Variants in RPL5 observed in about 807,000 individuals in gnomAD.
RPL5 encodes the protein ribosomal protein L5.
Under a neutral mutation model 38.4 loss-of-function variants are expected in RPL5, and 1 was observed. The observed-to-expected ratio is 0.03, with a 90% CI of 0.01 to 0.12. The LOEUF is 0.12. RPL5 is among the 10% of genes least tolerant of loss of function. The pLI, the probability that RPL5 is intolerant of heterozygous loss-of-function variation, is 1.00. For missense variants in RPL5, 243 were observed against 374.1 expected (o/e 0.65, Z 2.89); for synonymous variants, 109 against 121.2 (o/e 0.90, Z 0.66).
chr1:92,840,499 T>C, intron 6 of RPL5, 52 bp from the exon 7 acceptor site: 1 of 1,303,966 alleles, frequency 7.7e-7, no homozygotes, highest in South Asian at 1.2e-5. Context: ...TGCATTAATA[T>C]AGTAGGGCAC....
upstream of RPL5, chr1:92,832,039 C>G (rs533207942): frequency 1.9e-6 from 3 of 1,604,118 alleles, no homozygotes; most frequent in East Asian, 2.2e-5. Flanking sequence ...AGGGCTGTGG[C>G]CCTTTTCCCA....
Position 92,836,391 on chromosome 1 carries a change from A to G in RPL5, c.526A>G (p.Ser176Gly). ...GGATGGAGGCTTGTCTATCCCTCAC[A>G]GGTAAGAATACTATTTAAGACCTTG... ...AVDGGLSIPH[S>G]TKRFPGYDSE... Residue 176 changes from serine (S) to glycine (G), a missense_variant and splice_region_variant, in exon 5 of 8, where the codon AGT becomes GGT. Coordinates refer to ENST00000370321, the MANE Select transcript of RPL5 (RefSeq NM_000969.5). 1.9e-6 allele frequency: 3 copies of G among 1,613,936 alleles called. No individual in the cohort carries two copies. The highest frequency in any genetic ancestry group is 2.2e-5 in the East Asian group (1 of 44,890).
At chr1:92,838,785 A>T (rs895231847) in intron 6 of RPL5, among the ~76,000 whole-genome samples, 1 of 152,192 alleles carries the variant, frequency 6.6e-6, no homozygotes, top group African/African-American at 2.4e-5. Context: ...TGGATTTGTT[A>T]TTTGTTAGTG....
At chr1:92,832,156 G>A (rs1257403094) in intron 1 of RPL5, 39 bp downstream of exon 1, 7 of 1,613,596 alleles carry the variant, frequency 4.3e-6, no homozygotes, top group Middle Eastern at 1.7e-4. Context: ...TAGATGCATG[G>A]AGGTTCCCTT....
rs1032177577 is a variant in RPL5, at chr1:92,833,294, G to T, written c.4-95G>T. 6.9e-6 allele frequency: 7 copies of T among 1,012,890 alleles called. No homozygotes were observed. In the African/African-American group the frequency reaches 1.1e-4, roughly 16 times the overall value. 62.7% of individuals were successfully genotyped at this position (1,012,890 alleles called of 1,614,324 possible). On this transcript the variant is annotated intron_variant, in intron 1 of 7. Coordinates refer to ENST00000370321, the MANE Select transcript of RPL5 (RefSeq NM_000969.5). The stretch of plus-strand genomic sequence containing the variant: ...AAGTGACAGTTGTCTGTTTACTCTT[G>T]AAGTTCAAGTGTTACTTTGTTACAT...
chr1:92,840,903 A>C, intron 7 of RPL5: 1 of 578,184 alleles, frequency 1.7e-6, no homozygotes, highest in Non-Finnish European at 3.3e-6. Context: ...CTTTTTGTTG[A>C]TCTTTCATGT....
intron 4 of RPL5, chr1:92,835,392 CTTA>C (rs1687078079): frequency 4.7e-6 from 1 of 210,616 alleles, no homozygotes; most frequent in African/African-American, 2.3e-5. Flanking sequence ...GTGGCTCACA[CTTA>C]TAATCCCAGC....
At position 92,836,330 on chromosome 1, in the gene RPL5, T is replaced by G; in HGVS notation, c.465T>G (p.Thr155=). The G allele has an allele frequency of 1.9e-6, 3 of 1,614,188 alleles. No individual in the cohort carries two copies. The highest frequency in any genetic ancestry group is 2.5e-6 in the Non-Finnish European group (3 of 1,180,030). The change falls in exon 5 of 8, where the codon ACT becomes ACG. Residue 155 remains threonine, a synonymous_variant. Transcript: ENST00000370321. ...YLDAGLARTT[T]GNKVFGALKG... ...ATGCAGGCCTTGCCAGAACTACCAC[T>G]GGCAATAAAGTTTTTGGTGCCCTGA...
intron 3 of RPL5, 99 bp downstream of exon 3, chr1:92,833,759 C>T (rs1320805793): frequency 2.2e-6 from 2 of 888,972 alleles, no homozygotes; most frequent in Non-Finnish European, 1.8e-6. Flanking sequence ...CTGTCTAGCA[C>T]CTCCAAAAGC....
rs11417383 is a variant in RPL5, at chr1:92,835,660, C to CAAA, written c.325-513_325-511dup. 8.4e-4 allele frequency among the ~76,000 whole-genome samples: 103 copies of CAAA among 123,312 alleles called. 1 individual carries two copies. Among genetic ancestry groups the CAAA allele is most frequent in the Middle Eastern group, 4.0e-3 (1 of 248 alleles). The allele number at this position is 123,312 out of a possible 152,430, so 80.9% of individuals were successfully genotyped here. A position where few individuals can be genotyped will look rare whatever the true frequency, so the allele number is the denominator to read the frequency against. ...GGGCAACAAGAGCGAAACTGTGTCT[C>CAAA]AAAAAAAAAAAAAAAAAAATGAGAA... On this transcript the variant is annotated intron_variant, in intron 4 of 7. Coordinates refer to ENST00000370321, the MANE Select transcript of RPL5 (RefSeq NM_000969.5).
Position 92,837,715 on chromosome 1 carries a change from C to G in RPL5, c.705+82C>G. On this transcript the variant is annotated intron_variant, in intron 6 of 7. Coordinates refer to ENST00000370321, the MANE Select transcript of RPL5 (RefSeq NM_000969.5). Reference sequence around the variant, plus strand: ...ACTTGTTTTGGGGGCAGGTAACATTCTTATATAGGTGTGTTTCTTGACAAC... The same window carrying G: ...ACTTGTTTTGGGGGCAGGTAACATTGTTATATAGGTGTGTTTCTTGACAAC... 5 of 1,108,456 alleles carry G rather than the reference C, an allele frequency of 4.5e-6. No individual in the cohort carries two copies. The South Asian group carries it at 6.5e-5, about 15-fold the overall frequency. 68.7% of individuals were successfully genotyped at this position (1,108,456 alleles called of 1,614,324 possible). A position where few individuals can be genotyped will look rare whatever the true frequency, so the allele number is the denominator to read the frequency against.
intron 1 of RPL5, 199 bp downstream of exon 1, chr1:92,832,316 G>A (rs1686940408): frequency 2.5e-6 from 2 of 789,156 alleles, no homozygotes; most frequent in South Asian, 3.0e-5. Context: ...GGAGGGGTTG[G>A]CGAAGAAGGG....
intron 6 of RPL5, among the ~76,000 whole-genome samples, chr1:92,839,083 G>A (rs1687243639): frequency 6.6e-6 from 1 of 151,342 alleles, no homozygotes; most frequent in Non-Finnish European, 1.5e-5. Flanking sequence ...GCCCTGGCGG[G>A]GCATGGTGGC....
At chr1:92,838,135 C>T (rs546752893) in intron 6 of RPL5, among the ~76,000 whole-genome samples, 3 of 152,104 alleles carry the variant, frequency 2.0e-5, no homozygotes, top group Non-Finnish European at 4.4e-5. Flanking sequence ...GGTTCTTTTT[C>T]GTTAGTGTGT....
intron 1 of RPL5, among the ~76,000 whole-genome samples, chr1:92,832,434 G>C (rs1474014840): frequency 2.0e-5 from 3 of 152,218 alleles, no homozygotes; most frequent in Non-Finnish European, 4.4e-5. Context: ...GGCCGGGCGT[G>C]AGAGGTCGCA....
At chr1:92,840,378 G>T (rs1687306767) in intron 6 of RPL5, 173 bp from the exon 7 acceptor site, 2 of 600,370 alleles carry the variant, frequency 3.3e-6, no homozygotes, top group Admixed American at 2.9e-5. Flanking sequence ...TGAAAATTGG[G>T]AATTTGTTAG....
At chr1:92,831,997 T>C (rs553391857), upstream of RPL5, 7 of 1,507,020 alleles carry the variant, frequency 4.6e-6, no homozygotes, top group Admixed American at 7.6e-5. Flanking sequence ...GTCACTGGCG[T>C]GACCGTCCGC....
chr1:92,836,011 GT>G (rs957223377), intron 4 of RPL5, among the ~76,000 whole-genome samples, 178 bp from the exon 5 acceptor site: 6 of 150,338 alleles, frequency 4.0e-5, no homozygotes, highest in East Asian at 1.9e-4. Flanking sequence ...AATGTTTTAA[GT>G]TTTTTTTTTA....
At chr1:92,835,064 G>T in intron 4 of RPL5, 151 bp downstream of exon 4, 1 of 1,105,140 alleles carries the variant, frequency 9.0e-7, no homozygotes, top group South Asian at 1.3e-5. Flanking sequence ...GATCTATCTA[G>T]GTCAGCTCTT....
Sources: gnomAD v4.1 joint callset for allele counts (sites outside exome capture counted in the v4.1 genomes callset) on GRCh38, gnomAD v4.1.1 for gene constraint, MANE v1.5 for transcripts, NCBI Gene and HGNC (gene_info 2026-07-23, HGNC 2026-07-21) for gene names.